ARL10: variants seen among roughly 807,000 people sequenced by gnomAD.
The protein encoded by ARL10 is ARF like GTPase 10.
ARL10 carries 23 observed loss-of-function variants against 26.1 expected under a neutral mutation model. That is an observed-to-expected ratio of 0.88 (90% confidence interval 0.63 to 1.25). ARL10 has a LOEUF of 1.25. Ranked by LOEUF, ARL10 falls within the 50% of genes most tolerant of loss-of-function variation. ARL10 has a pLI of 0.00. For synonymous variants in ARL10, 138 were observed against 149.1 expected, an observed-to-expected ratio of 0.93 and a Z score of 0.54; for missense variants, 300 against 323.6, an observed-to-expected ratio of 0.93 and a Z score of 0.56.
intron 1 of ARL10, among the ~76,000 whole-genome samples, chr5:176,400,746 C>G (rs1262206893): frequency 6.6e-6 from 1 of 152,200 alleles, no homozygotes; most frequent in African/African-American, 2.4e-5. Context: ...TGACTGCCCG[C>G]GTTGTTTGAC....
intron 3 of ARL10, 109 bp from the exon 4 acceptor site, chr5:176,371,613 C>G (rs1029094497): frequency 1.4e-6 from 1 of 703,828 alleles, no homozygotes; most frequent in East Asian, 2.5e-5. Context: ...CAGTGTGTTT[C>G]CTGATATTCC....
chr5:176,404,411 G>A (rs1011744314), downstream of ARL10, among the ~76,000 whole-genome samples: 37 of 152,238 alleles, frequency 2.4e-4, no homozygotes, highest in African/African-American at 8.2e-4. Context: ...GCCCTTTGGG[G>A]CAGCGGAGCG....
exon 2 of ARL10, chr5:176,388,552 C>A: frequency 6.2e-7 from 1 of 1,601,934 alleles, no homozygotes; most frequent in Non-Finnish European, 8.5e-7. Flanking sequence ...CGCTGACCAC[C>A]GCACCAGCAG....
chr5:176,403,329 C>T (rs544585720), downstream of ARL10, among the ~76,000 whole-genome samples: 5 of 151,908 alleles, frequency 3.3e-5, no homozygotes, highest in Admixed American at 1.3e-4. Flanking sequence ...GGATTACAGG[C>T]GTGAGCTACT....
chr5:176,394,798 G>A (rs1756438068), intron 1 of ARL10, among the ~76,000 whole-genome samples: 1 of 151,404 alleles, frequency 6.6e-6, no homozygotes, highest in South Asian at 2.1e-4. Context: ...CTGGGTGACA[G>A]AGCAAGACTC....
In ARL10 at chr5:176,365,508, G is replaced by C. The variant is rs1768247098; in HGVS notation, c.-56G>C. On this transcript the variant is annotated 5_prime_UTR_variant, in exon 1 of 4. Transcript: ENST00000310389. ...CAGCAGTCGCAGCGGGGCCATCTTCGGCGGGCGAGTGGGCTCGGCCTGTGC... is the reference window on the plus strand; with the variant it reads ...CAGCAGTCGCAGCGGGGCCATCTTCCGCGGGCGAGTGGGCTCGGCCTGTGC... The C allele has an allele frequency of 1.7e-6, 2 of 1,198,802 alleles. No homozygotes were observed. The highest frequency in any genetic ancestry group is 2.1e-6 in the Non-Finnish European group (2 of 963,220). 74.3% of individuals were successfully genotyped at this position (1,198,802 alleles called of 1,614,324 possible). A position where few individuals can be genotyped will look rare whatever the true frequency, so the allele number is the denominator to read the frequency against.
At chr5:176,395,917 C>T (rs543929925) in intron 1 of ARL10, among the ~76,000 whole-genome samples, 14 of 152,198 alleles carry the variant, frequency 9.2e-5, no homozygotes, top group African/African-American at 2.6e-4. Context: ...GGTGGATCAC[C>T]TGAGGTCAGG....
the ARL10 span, among the ~76,000 whole-genome samples, chr5:176,414,649 C>T: frequency 6.6e-6 from 1 of 152,072 alleles, no homozygotes; most frequent in East Asian, 1.9e-4. Flanking sequence ...CACCATGTTG[C>T]CCAGGCTCCA....
At chr5:176,411,950 G>A in the ARL10 span, among the ~76,000 whole-genome samples, 1 of 152,086 alleles carries the variant, frequency 6.6e-6, no homozygotes, top group Non-Finnish European at 1.5e-5. Flanking sequence ...GCTGAGGTGG[G>A]CAGATCACGA....
downstream of ARL10, chr5:176,388,816 G>A (rs1756121200): frequency 6.2e-7 from 1 of 1,613,270 alleles, no homozygotes; most frequent in Non-Finnish European, 8.5e-7. Flanking sequence ...GCTGTGGCCC[G>A]GACATGGCGA....
At chr5:176,414,919 A>G in the ARL10 span, among the ~76,000 whole-genome samples, 2 of 152,220 alleles carry the variant, frequency 1.3e-5, no homozygotes, top group Admixed American at 1.3e-4. Context: ...TAAACGTTGA[A>G]TGGATACAAA....
chr5:176,413,604 C>T, the ARL10 span, among the ~76,000 whole-genome samples: 1 of 152,224 alleles, frequency 6.6e-6, no homozygotes. Flanking sequence ...AGAGAAGGTG[C>T]CTCAGAGGTA....
the ARL10 span, among the ~76,000 whole-genome samples, chr5:176,407,111 G>A: frequency 6.6e-6 from 1 of 152,130 alleles, no homozygotes; most frequent in Non-Finnish European, 1.5e-5. Flanking sequence ...TGGAAAGGAG[G>A]CCCCGGGCTC....
At chr5:176,387,886 CAAAGA>C (rs571244025) in intron 1 of ARL10, among the ~76,000 whole-genome samples, 20 of 152,166 alleles carry the variant, frequency 1.3e-4, no homozygotes, top group African/African-American at 4.8e-4. Flanking sequence ...GATTGAATAA[CAAAGA>C]AAAGGTGTAA....
At chr5:176,412,309 G>A in the ARL10 span, among the ~76,000 whole-genome samples, 62 of 152,034 alleles carry the variant, frequency 4.1e-4, no homozygotes, top group Non-Finnish European at 7.4e-4. Flanking sequence ...TCTCACTTCC[G>A]GGGTATCCCA....
chr5:176,387,256 T>C (rs1755937555), intron 1 of ARL10, among the ~76,000 whole-genome samples: 1 of 145,306 alleles, frequency 6.9e-6, no homozygotes. Context: ...AATTTTGTGT[T>C]TTTAGTAGAG....
downstream of ARL10, chr5:176,389,434 G>A (rs1156983676): frequency 1.2e-6 from 2 of 1,614,220 alleles, no homozygotes; most frequent in South Asian, 2.2e-5. Flanking sequence ...TCGCCGCCCA[G>A]GGTTTCACGG....
At chr5:176,392,878 C>T (rs201998729), downstream of ARL10, 256 of 1,614,116 alleles carry the variant, frequency 1.6e-4, no homozygotes, top group Non-Finnish European at 3.4e-5. This position sits in a 1 kb window ranked among gnomAD's most constrained non-coding sequence, Gnocchi z 5.2. Flanking sequence ...CATAGCTGGG[C>T]CACCTTCTCC....
chr5:176,373,006 A>C lies in ARL10; in HGVS notation c.*1111A>C. ...GCTTTGAGGCTGTCGTCGATATCAT[A>C]GTACTTTACATGGATTCACATGAAC... On this transcript the variant is annotated 3_prime_UTR_variant, in exon 4 of 4. Transcript: ENST00000310389. 1 of 398,668 alleles carries C rather than the reference A, an allele frequency of 2.5e-6. No homozygotes were observed. The highest frequency in any genetic ancestry group is 4.4e-6 in the Non-Finnish European group (1 of 226,076). 24.7% of individuals were successfully genotyped at this position (398,668 alleles called of 1,614,324 possible). A position where few individuals can be genotyped will look rare whatever the true frequency, so the allele number is the denominator to read the frequency against.
Sources: allele counts gnomAD v4.1 joint callset (sites outside exome capture counted in the v4.1 genomes callset), GRCh38; gene constraint gnomAD v4.1.1; non-coding constraint Gnocchi (gnomAD v3.1); transcripts MANE v1.5; gene names NCBI Gene and HGNC (gene_info 2026-07-23, HGNC 2026-07-21).